KCNIP4: variants seen among roughly 807,000 people sequenced by gnomAD.
The protein encoded by KCNIP4 is Kv channel-interacting protein 4.
KCNIP4 carries 12 observed loss-of-function variants against 34.0 expected under a neutral mutation model. The ratio of observed to expected loss-of-function variants is 0.35; its 90% CI spans 0.23 to 0.57. The LOEUF (loss-of-function observed/expected upper bound fraction) is 0.57. Among genes scored for constraint, KCNIP4 ranks in the 20% least tolerant of loss-of-function variants. KCNIP4 has a pLI of 0.83. For synonymous variants in KCNIP4, 124 were observed against 102.2 expected (o/e 1.21, Z -1.29); for missense variants, 238 against 311.7 (o/e 0.76, Z 1.78).
At chr4:20,733,688 G>A (rs908713209) in intron 6 of KCNIP4, among the ~76,000 whole-genome samples, 7 of 152,094 alleles carry the variant, frequency 4.6e-5, no homozygotes, top group Non-Finnish European at 8.8e-5. Flanking sequence ...AAGTATCTGG[G>A]TAATAAATAT....
chr4:20,928,614 T>A (rs1388122256), intron 1 of KCNIP4, among the ~76,000 whole-genome samples: 5 of 150,730 alleles, frequency 3.3e-5, no homozygotes, highest in Admixed American at 6.6e-5. Context: ...AAGAAAATAA[T>A]AAAGACTAGA....
rs866160582 is a variant in KCNIP4 at position 21,373,210 on chromosome 4, C to T, written c.62-490501G>A. Among the ~76,000 whole-genome samples, 7 of 146,652 alleles carry T rather than the reference C, an allele frequency of 4.8e-5. 2 individuals are homozygous for T. The highest frequency in any genetic ancestry group is 1.4e-4 in the African/African-American group (5 of 36,416). On this transcript the variant is annotated intron_variant, in intron 1 of 8. Transcript: ENST00000382152. ...TGGTGGTGTGCACTTGTAGTCCTAGCTACTTGGGAGGCTGAGGCAGGAGAA... is the reference window on the plus strand; with the variant it reads ...TGGTGGTGTGCACTTGTAGTCCTAGTTACTTGGGAGGCTGAGGCAGGAGAA...
intron 1 of KCNIP4, among the ~76,000 whole-genome samples, chr4:21,802,998 C>A (rs926589985): frequency 6.6e-6 from 1 of 152,114 alleles, no homozygotes; most frequent in African/African-American, 2.4e-5. Context: ...ATTCCTGAAC[C>A]AACCTTCCTG....
At chr4:21,375,793 T>C (rs1465251861) in intron 1 of KCNIP4, among the ~76,000 whole-genome samples, 3 of 152,012 alleles carry the variant, frequency 2.0e-5, no homozygotes, top group African/African-American at 7.2e-5. Context: ...GGTCTTGATC[T>C]CCTGACCTCG....
At chr4:21,451,600 G>C (rs878957131) in intron 1 of KCNIP4, among the ~76,000 whole-genome samples, 1 of 152,128 alleles carries the variant, frequency 6.6e-6, no homozygotes, top group Non-Finnish European at 1.5e-5. Context: ...ATAGAAGTTA[G>C]TGGTAACTGC....
chr4:20,775,820 A>G (rs1756326833), intron 3 of KCNIP4, among the ~76,000 whole-genome samples: 1 of 152,200 alleles, frequency 6.6e-6, no homozygotes, highest in African/African-American at 2.4e-5. Context: ...AGTCTCCATT[A>G]TATTATCTTA....
chr4:21,828,851 A>G (rs570650572), intron 1 of KCNIP4, among the ~76,000 whole-genome samples: 1 of 152,138 alleles, frequency 6.6e-6, no homozygotes, highest in South Asian at 2.1e-4. Context: ...CTAAAATAAT[A>G]ACAAATATTT....
At chr4:21,043,357 T>A (rs1742125788) in intron 1 of KCNIP4, among the ~76,000 whole-genome samples, 1 of 152,202 alleles carries the variant, frequency 6.6e-6, no homozygotes. Context: ...TGAGACGGAG[T>A]CTCACTCTGT....
rs571953101 is a variant in KCNIP4, at chr4:20,758,815, A to G, written c.358+6T>C. ...AGTATGTTAACAAGTCCACATTTGT[A>G]CTTACCTCCCTGTGGAAAGAACTGC... is the stretch of plus-strand genomic sequence containing the variant. On this transcript the variant is annotated splice_donor_region_variant and intron_variant, in intron 4 of 8. Coordinates refer to ENST00000382152, the MANE Select transcript of KCNIP4 (RefSeq NM_025221.6). 2.7e-5 allele frequency: 43 copies of G among 1,608,020 alleles called. No individual in the cohort carries two copies. The highest frequency in any genetic ancestry group is 5.0e-5 in the Admixed American group (3 of 59,942).
At chr4:21,520,015 G>A (rs558243239) in intron 1 of KCNIP4, among the ~76,000 whole-genome samples, 22 of 151,968 alleles carry the variant, frequency 1.4e-4, no homozygotes, top group Non-Finnish European at 2.4e-4. Flanking sequence ...CTTGGAGTGC[G>A]ATGTTTGAGG....
intron 1 of KCNIP4, among the ~76,000 whole-genome samples, chr4:21,055,169 C>T (rs569560001): frequency 3.3e-5 from 5 of 152,138 alleles, no homozygotes; most frequent in South Asian, 2.1e-4. Flanking sequence ...TGAAAAGATG[C>T]TTCCCATCAT....
intron 3 of KCNIP4, among the ~76,000 whole-genome samples, chr4:20,803,703 A>AAGAG (rs57764706): frequency 3.7e-4 from 47 of 125,850 alleles, no homozygotes; most frequent in Middle Eastern, 4.0e-3. Flanking sequence ...GAGAGAGAGA[A>AAGAG]AGAGAGAGAG....
chr4:21,270,946 A>G (rs1342613264), intron 1 of KCNIP4, among the ~76,000 whole-genome samples: 2 of 144,788 alleles, frequency 1.4e-5, no homozygotes, highest in Non-Finnish European at 3.0e-5. Flanking sequence ...AGATCACACC[A>G]TTGTACTCCA....
intron 5 of KCNIP4, among the ~76,000 whole-genome samples, chr4:20,748,535 C>A (rs1752856419): frequency 7.1e-6 from 1 of 141,558 alleles, no homozygotes; most frequent in Admixed American, 7.3e-5. Context: ...TCCTCACTTC[C>A]AAAAATAAAT....
chr4:21,115,563 T>C (rs372399641), intron 1 of KCNIP4, among the ~76,000 whole-genome samples: 15 of 152,204 alleles, frequency 9.9e-5, no homozygotes, highest in African/African-American at 3.6e-4. Context: ...TTAATACTTA[T>C]TAAAATGTTA....
intron 1 of KCNIP4, among the ~76,000 whole-genome samples, chr4:21,186,306 C>T (rs527462438): frequency 6.6e-6 from 1 of 152,288 alleles, no homozygotes; most frequent in South Asian, 2.1e-4. Context: ...CTTGTCCAGA[C>T]ACATCTGGCA....
At chr4:20,947,327 C>T (rs777052393) in intron 1 of KCNIP4, among the ~76,000 whole-genome samples, 1 of 152,126 alleles carries the variant, frequency 6.6e-6, no homozygotes. Context: ...CACCAACACT[C>T]TCGGCTAATT....
intron 1 of KCNIP4, among the ~76,000 whole-genome samples, chr4:21,299,226 T>A: frequency 6.6e-6 from 1 of 151,998 alleles, no homozygotes; most frequent in East Asian, 1.9e-4. Flanking sequence ...ATATTATTTA[T>A]AATTGTTTTA....
chr4:21,626,663 A>C lies in KCNIP4; in HGVS notation c.61+321908T>G, dbSNP rs62301358. Among the ~76,000 whole-genome samples the C allele has an allele frequency of 2.2e-3, 334 of 152,244 alleles. 1 individual carries two copies. The highest frequency in any genetic ancestry group is 7.1e-3 in the South Asian group (34 of 4,818). Reference sequence around the variant, plus strand: ...CTACCCCATCTCACTCAAACCCTTCATCAATGGTGGTACCAAGCTGTGTAG... The same window carrying C: ...CTACCCCATCTCACTCAAACCCTTCCTCAATGGTGGTACCAAGCTGTGTAG... On this transcript the variant is annotated intron_variant, in intron 1 of 8. Transcript: ENST00000382152.
Sources: allele counts gnomAD v4.1 joint callset (sites outside exome capture counted in the v4.1 genomes callset), GRCh38; gene constraint gnomAD v4.1.1; transcripts MANE v1.5; gene names NCBI Gene and HGNC (gene_info 2026-07-23, HGNC 2026-07-21).